UNC5D: variants seen among roughly 807,000 people sequenced by gnomAD.
UNC5D encodes unc-5 netrin receptor D, also known as netrin receptor UNC5D.
UNC5D carries 39 observed loss-of-function variants against 105.4 expected under a neutral mutation model. The ratio of observed to expected loss-of-function variants is 0.37; its 90% CI spans 0.29 to 0.48. The LOEUF is 0.48. UNC5D is among the 20% of genes least tolerant of loss of function. The pLI is 0.98. For missense variants in UNC5D, 991 were observed against 1,202.4 expected (o/e 0.82, Z 2.60); for synonymous variants, 452 against 450.4 (o/e 1.00, Z -0.04).
At chr8:35,423,968 A>G (rs578001537) in intron 1 of UNC5D, among the ~76,000 whole-genome samples, 13 of 151,990 alleles carry the variant, frequency 8.6e-5, no homozygotes, top group Non-Finnish European at 1.9e-4. Flanking sequence ...GGCTAATTAA[A>G]AAAAAAGTTT....
At chr8:35,477,386 T>C (rs1018861100) in intron 1 of UNC5D, among the ~76,000 whole-genome samples, 1 of 152,080 alleles carries the variant, frequency 6.6e-6, no homozygotes, top group African/African-American at 2.4e-5. Context: ...TTACATGTCA[T>C]TTGGATATTT....
intron 1 of UNC5D, among the ~76,000 whole-genome samples, chr8:35,249,102 A>AT (rs1803497356): frequency 7.9e-6 from 1 of 126,618 alleles, no homozygotes; most frequent in Non-Finnish European, 1.6e-5. Flanking sequence ...ATATATAAAA[A>AT]AATATATATA....
chr8:35,462,730 C>T (rs1808989995), intron 1 of UNC5D, among the ~76,000 whole-genome samples: 1 of 152,176 alleles, frequency 6.6e-6, no homozygotes, highest in African/African-American at 2.4e-5. Flanking sequence ...ATCTCTTTCC[C>T]AGCATGGGTG....
rs150169412 is a variant in UNC5D at position 35,780,154 on chromosome 8, A to G, written c.2657+5677A>G. Reference sequence around the variant, plus strand: ...TTTTCCCAGTGCCCTCCTCAATAGTATATTTGTTTGAACATGTATAAGCAC... The same window carrying G: ...TTTTCCCAGTGCCCTCCTCAATAGTGTATTTGTTTGAACATGTATAAGCAC... On this transcript the variant is annotated intron_variant, in intron 16 of 16. Coordinates refer to ENST00000404895, the MANE Select transcript of UNC5D (RefSeq NM_080872.4). Among the ~76,000 whole-genome samples, 7 of 152,298 alleles carry G rather than the reference A, an allele frequency of 4.6e-5. 1 individual carries two copies. In the East Asian group the frequency reaches 1.4e-3, roughly 29 times the overall value.
chr8:35,774,779 T>C (rs912148040), intron 16 of UNC5D, among the ~76,000 whole-genome samples: 3 of 151,844 alleles, frequency 2.0e-5, no homozygotes, highest in African/African-American at 7.3e-5. Flanking sequence ...AAAAAATAAT[T>C]AGCTGGGCAT....
At chr8:35,247,142 T>C (rs1803157749) in intron 1 of UNC5D, among the ~76,000 whole-genome samples, 2 of 151,942 alleles carry the variant, frequency 1.3e-5, no homozygotes, top group African/African-American at 4.8e-5. Flanking sequence ...AAGTAATCAA[T>C]AGAGGCACAA....
intron 7 of UNC5D, among the ~76,000 whole-genome samples, chr8:35,687,307 TG>T (rs1563669794): frequency 6.6e-6 from 1 of 151,668 alleles, no homozygotes; most frequent in Non-Finnish European, 1.5e-5. Flanking sequence ...CCAGGCGTGG[TG>T]GTGGGCGCCT....
intron 1 of UNC5D, among the ~76,000 whole-genome samples, chr8:35,442,001 A>G (rs1807436713): frequency 6.6e-6 from 1 of 151,966 alleles, no homozygotes; most frequent in African/African-American, 2.4e-5. Flanking sequence ...TTCCAAGTGC[A>G]CCATAGCACA....
chr8:35,361,058 A>G (rs1160711354), intron 1 of UNC5D, among the ~76,000 whole-genome samples: 5 of 152,152 alleles, frequency 3.3e-5, no homozygotes, highest in Non-Finnish European at 7.3e-5. Context: ...AATGGATGCC[A>G]AAATGTCTGA....
chr8:35,280,571 G>T (rs968467027), intron 1 of UNC5D, among the ~76,000 whole-genome samples: 6 of 152,152 alleles, frequency 3.9e-5, no homozygotes, highest in Admixed American at 1.3e-4. Context: ...AATAATGAAA[G>T]GGAACACATC....
chr8:35,373,569 G>T (rs1434906444), intron 1 of UNC5D, among the ~76,000 whole-genome samples: 11 of 152,218 alleles, frequency 7.2e-5, no homozygotes. Context: ...ACTATCTCTG[G>T]TGCGATAAAG....
At chr8:35,566,835 A>C (rs113694945) in intron 2 of UNC5D, among the ~76,000 whole-genome samples, 1 of 152,142 alleles carries the variant, frequency 6.6e-6, no homozygotes, top group African/African-American at 2.4e-5. Context: ...GCAAAGCACA[A>C]CCTCAGAGAA....
chr8:35,435,450 G>A (rs958072535), intron 1 of UNC5D, among the ~76,000 whole-genome samples: 2 of 152,052 alleles, frequency 1.3e-5, no homozygotes, highest in Non-Finnish European at 2.9e-5. Context: ...ATACAGAAGT[G>A]CTACAGTTTC....
chr8:35,752,227 G>A (rs1321713281), intron 13 of UNC5D, among the ~76,000 whole-genome samples: 1 of 152,148 alleles, frequency 6.6e-6, no homozygotes, highest in Non-Finnish European at 1.5e-5. Context: ...CAAGGATGAT[G>A]CAGAACTGCC....
chr8:35,494,847 C>T (rs532521399), intron 1 of UNC5D, among the ~76,000 whole-genome samples: 13 of 152,044 alleles, frequency 8.6e-5, no homozygotes, highest in Admixed American at 3.9e-4. Context: ...TTATTTGCTC[C>T]GCTTTAATTA....
chr8:35,645,428 A>G lies in UNC5D; in HGVS notation c.571-38119A>G, dbSNP rs1358090787. ...AATTTTAGCCTCTGGAAAATCTTTT[A>G]GCAAAATAATGCAATAAAGCTAAAG... On this transcript the variant is annotated intron_variant, in intron 4 of 16. Coordinates refer to ENST00000404895, the MANE Select transcript of UNC5D (RefSeq NM_080872.4). 5.9e-5 allele frequency among the ~76,000 whole-genome samples: 9 copies of G among 152,140 alleles called. No individual in the cohort carries two copies. In the South Asian group the frequency reaches 6.2e-4, roughly 10 times the overall value.
In UNC5D at chr8:35,787,218, A is replaced by G. The variant is rs1040644392; in HGVS notation, c.2658-3141A>G. Among the ~76,000 whole-genome samples, 42 of 152,216 alleles carry G rather than the reference A, an allele frequency of 2.8e-4. 1 individual carries two copies. The highest frequency in any genetic ancestry group is 2.4e-3 in the Admixed American group (37 of 15,276). ...TAGTAGGCTCACAAAGATTCTAGTC[A>G]TTCCCATAGGGCAAAAGTTCATCGT... On this transcript the variant is annotated intron_variant, in intron 16 of 16. Transcript: ENST00000404895.
intron 1 of UNC5D, among the ~76,000 whole-genome samples, chr8:35,284,550 GTTTCT>G (rs1048858655): frequency 7.9e-5 from 12 of 151,970 alleles, no homozygotes; most frequent in East Asian, 7.7e-4. Flanking sequence ...AAAATATAAT[GTTTCT>G]TTTCTTTTCT....
intron 1 of UNC5D, among the ~76,000 whole-genome samples, chr8:35,360,432 CAG>C (rs1168324151): frequency 6.6e-6 from 1 of 152,172 alleles, no homozygotes; most frequent in Non-Finnish European, 1.5e-5. Context: ...TTCATTAAAT[CAG>C]AGTTATGGAA....
Sources: gnomAD v4.1 joint callset for allele counts (sites outside exome capture counted in the v4.1 genomes callset) on GRCh38, gnomAD v4.1.1 for gene constraint, MANE v1.5 for transcripts, NCBI Gene and HGNC (gene_info 2026-07-23, HGNC 2026-07-21) for gene names.